Variants in KLHL32 observed in about 807,000 individuals in gnomAD.
The protein encoded by KLHL32 is kelch-like protein 32.
A neutral mutation model predicts 64.8 loss-of-function variants in KLHL32; 35 were observed. The observed-to-expected ratio is 0.54, with a 90% CI of 0.41 to 0.72. The LOEUF is 0.72. KLHL32 is among the 30% of genes least tolerant of loss of function. The pLI, the probability that KLHL32 is intolerant of heterozygous loss-of-function variation, is 0.00. For missense variants in KLHL32, 589 were observed against 768.5 expected (o/e 0.77, Z 2.76); for synonymous variants, 259 against 281.0 (o/e 0.92, Z 0.78).
intron 4 of KLHL32, among the ~76,000 whole-genome samples, chr6:97,054,165 C>A (rs1435789737): frequency 1.3e-5 from 2 of 151,984 alleles, no homozygotes; most frequent in Non-Finnish European, 2.9e-5. Context: ...ATTTGCTAAA[C>A]AGTACTTTTA....
At chr6:97,111,386 C>T (rs1372043574) in intron 6 of KLHL32, among the ~76,000 whole-genome samples, 1 of 152,254 alleles carries the variant, frequency 6.6e-6, no homozygotes, top group South Asian at 2.1e-4. Context: ...CTGACCCCTT[C>T]ACGGGCGGGA....
chr6:97,046,003 C>G (rs1785866311), intron 4 of KLHL32, among the ~76,000 whole-genome samples: 1 of 152,100 alleles, frequency 6.6e-6, no homozygotes, highest in Non-Finnish European at 1.5e-5. Flanking sequence ...AAAGCAAGTC[C>G]TAGGGCCAGA....
intron 4 of KLHL32, among the ~76,000 whole-genome samples, chr6:97,055,822 AC>A (rs1413381165): frequency 6.9e-6 from 1 of 144,180 alleles, no homozygotes; most frequent in East Asian, 2.1e-4. Context: ...AAAAAAAAAA[AC>A]CCCTTCTTAT....
At chr6:96,926,491 A>G (rs1261587228) in intron 1 of KLHL32, among the ~76,000 whole-genome samples, 1 of 152,226 alleles carries the variant, frequency 6.6e-6, no homozygotes, top group Non-Finnish European at 1.5e-5. Context: ...ATTACCTTCC[A>G]TTTAAAGCTG....
chr6:97,077,467 C>A (rs768939816), intron 5 of KLHL32, among the ~76,000 whole-genome samples: 1 of 151,756 alleles, frequency 6.6e-6, no homozygotes, highest in African/African-American at 2.4e-5. Flanking sequence ...AAGTAAGCTT[C>A]TTTTTCAACA....
chr6:97,089,473 A>C (rs1051870021), intron 6 of KLHL32, among the ~76,000 whole-genome samples: 3 of 152,186 alleles, frequency 2.0e-5, no homozygotes, highest in African/African-American at 7.2e-5. Flanking sequence ...AGAACTTATT[A>C]TTTTGTAAGA....
At chr6:97,130,398 T>G (rs527809400) in intron 8 of KLHL32, among the ~76,000 whole-genome samples, 1 of 152,336 alleles carries the variant, frequency 6.6e-6, no homozygotes, top group Admixed American at 6.5e-5. Context: ...ATAGTATACC[T>G]AGCCATGTGC....
chr6:97,083,801 G>A (rs899498807), intron 5 of KLHL32, among the ~76,000 whole-genome samples: 1 of 152,112 alleles, frequency 6.6e-6, no homozygotes, highest in Non-Finnish European at 1.5e-5. Context: ...CCCATCCACC[G>A]TACTATTGTT....
intron 3 of KLHL32, among the ~76,000 whole-genome samples, chr6:96,991,871 G>C (rs73494858): frequency 0.13 from 19,559 of 152,050 alleles, 2,786 homozygotes; most frequent in African/African-American, 0.32. Flanking sequence ...GGCGGGGGAC[G>C]GCATTGAAAA....
rs1417795867 is a variant in KLHL32, at chr6:97,140,502, G to GT, written c.*1221dup. The stretch of plus-strand genomic sequence containing the variant: ...TTAGACTAGTTTTTGGGTTTGCTTT[G>GT]TCTATAACAAAAAATAAATACAACA... On this transcript the variant is annotated 3_prime_UTR_variant, in exon 11 of 11. Transcript: ENST00000369261. 2 of 151,814 alleles carry GT rather than the reference G, an allele frequency of 1.3e-5. No homozygotes were observed. The highest frequency in any genetic ancestry group is 2.9e-5 in the Non-Finnish European group (2 of 67,840). 9.4% of individuals were successfully genotyped at this position (151,814 alleles called of 1,614,324 possible).
At chr6:96,955,989 C>T (rs1361215991) in intron 1 of KLHL32, among the ~76,000 whole-genome samples, 2 of 152,070 alleles carry the variant, frequency 1.3e-5, no homozygotes, top group East Asian at 3.8e-4. Context: ...TTACAAAAGA[C>T]GGATGTTTAT....
intron 3 of KLHL32, among the ~76,000 whole-genome samples, chr6:97,010,823 T>C (rs1780312383): frequency 6.6e-6 from 1 of 152,194 alleles, no homozygotes; most frequent in African/African-American, 2.4e-5. Context: ...TTAGGCTTTC[T>C]TTTTTTCCTA....
At chr6:97,102,876 A>C (rs1272238710) in intron 6 of KLHL32, among the ~76,000 whole-genome samples, 2 of 151,934 alleles carry the variant, frequency 1.3e-5, no homozygotes, top group Non-Finnish European at 2.9e-5. Flanking sequence ...GTACACGTGA[A>C]GGTTTCTTAT....
chr6:97,130,310 G>T lies in KLHL32; in HGVS notation c.1414-447G>T, dbSNP rs948334122. Among the ~76,000 whole-genome samples the T allele has an allele frequency of 2.0e-5, 3 of 152,110 alleles. No homozygotes were observed. The East Asian group carries it at 5.8e-4, about 29-fold the overall frequency. The stretch of plus-strand genomic sequence containing the variant: ...CTGGCACAGAGATATTAAGTAAATT[G>T]CTCAAGATCACATACAAGTTATAAA... On this transcript the variant is annotated intron_variant, in intron 8 of 10. Coordinates refer to ENST00000369261, the MANE Select transcript of KLHL32 (RefSeq NM_052904.4).
chr6:96,997,908 C>CA (rs556928918), intron 3 of KLHL32, among the ~76,000 whole-genome samples: 113 of 152,270 alleles, frequency 7.4e-4, no homozygotes, highest in Middle Eastern at 3.4e-3. Flanking sequence ...TAAATGGAAT[C>CA]AATGTTGGAT....
chr6:97,069,400 CTTTT>C (rs199967868), intron 5 of KLHL32, among the ~76,000 whole-genome samples: 3 of 134,552 alleles, frequency 2.2e-5, no homozygotes, highest in African/African-American at 2.7e-5. Context: ...GATTTTGTTC[CTTTT>C]TTTTTTTTTT....
the KLHL32 span, among the ~76,000 whole-genome samples, chr6:96,915,633 A>G: frequency 3.0e-4 from 39 of 131,414 alleles, 2 homozygotes; most frequent in Admixed American, 2.9e-3. Context: ...CAATAAATTG[A>G]TAAGTTTCTA....
chr6:96,935,112 A>G (rs1045157390), intron 1 of KLHL32, among the ~76,000 whole-genome samples: 2 of 152,212 alleles, frequency 1.3e-5, no homozygotes, highest in Non-Finnish European at 2.9e-5. Flanking sequence ...AAAAATGATC[A>G]AGGTTATGCA....
At chr6:97,102,028 G>T (rs116856639) in intron 6 of KLHL32, among the ~76,000 whole-genome samples, 2 of 152,128 alleles carry the variant, frequency 1.3e-5, no homozygotes, top group Non-Finnish European at 2.9e-5. Context: ...ATGTCTGATC[G>T]CATTCAGTCT....
Sources: gnomAD v4.1 joint callset for allele counts (sites outside exome capture counted in the v4.1 genomes callset) on GRCh38, gnomAD v4.1.1 for gene constraint, MANE v1.5 for transcripts, NCBI Gene and HGNC (gene_info 2026-07-23, HGNC 2026-07-21) for gene names.